Variants in CLPTM1 observed in about 807,000 individuals in gnomAD.
CLPTM1 encodes the protein putative lipid scramblase CLPTM1.
Under a neutral mutation model 77.3 loss-of-function variants are expected in CLPTM1, and 21 were observed. The observed-to-expected ratio is 0.27, with a 90% CI of 0.19 to 0.39. The LOEUF (loss-of-function observed/expected upper bound fraction) is 0.39. CLPTM1 is among the 10% of genes least tolerant of loss of function. CLPTM1 has a pLI of 1.00. For missense variants in CLPTM1, 642 were observed against 921.2 expected, an observed-to-expected ratio of 0.70 and a Z score of 3.92; for synonymous variants, 373 against 381.0, an observed-to-expected ratio of 0.98 and a Z score of 0.24.
chr19:44,977,735 T>C (rs1398266420), intron 5 of CLPTM1, among the ~76,000 whole-genome samples: 1 of 152,060 alleles, frequency 6.6e-6, no homozygotes, highest in African/African-American at 2.4e-5. Flanking sequence ...ACAGGGACTC[T>C]TGGAGAGGAG....
intron 2 of CLPTM1, among the ~76,000 whole-genome samples, chr19:44,966,739 G>C (rs995788638): frequency 2.6e-5 from 4 of 151,942 alleles, no homozygotes; most frequent in Non-Finnish European, 5.9e-5. Flanking sequence ...AGGGGTGCAG[G>C]AGCTGGCACG....
Position 44,990,803 on chromosome 19 carries a change from G to A in CLPTM1, c.1324-47G>A. On this transcript the variant is annotated intron_variant, in intron 10 of 13. Coordinates refer to ENST00000337392, the MANE Select transcript of CLPTM1 (RefSeq NM_001294.4). The surrounding 1 kb of genome is among the most constrained non-coding windows in gnomAD (Gnocchi z 4.8). Reference sequence around the variant, plus strand: ...GCAGGGGCTGGTTCTGGCTTGTGGGGTGGGAGCCAGCGTAGCAACTGACCA... The same window carrying A: ...GCAGGGGCTGGTTCTGGCTTGTGGGATGGGAGCCAGCGTAGCAACTGACCA... 6.6e-7 allele frequency: 1 copy of A among 1,511,224 alleles called. No homozygotes were observed. Among genetic ancestry groups the A allele is most frequent in the Non-Finnish European group, 9.2e-7 (1 of 1,091,860 alleles). 93.6% of individuals were successfully genotyped at this position (1,511,224 alleles called of 1,614,324 possible).
At chr19:44,973,888 C>T (rs545862127) in intron 3 of CLPTM1, among the ~76,000 whole-genome samples, 242 of 151,762 alleles carry the variant, frequency 1.6e-3, no homozygotes, top group African/African-American at 5.6e-3. Flanking sequence ...CTCAGCCTCA[C>T]GACTAGCTGG....
At chr19:44,969,771 T>C (rs1970689663) in intron 2 of CLPTM1, among the ~76,000 whole-genome samples, 1 of 148,326 alleles carries the variant, frequency 6.7e-6, no homozygotes, top group South Asian at 2.2e-4. Flanking sequence ...CACTGCGACC[T>C]CCACCTCCCA....
intron 2 of CLPTM1, among the ~76,000 whole-genome samples, chr19:44,968,082 C>T (rs2122260727): frequency 6.6e-6 from 1 of 152,240 alleles, no homozygotes; most frequent in Admixed American, 6.5e-5. Context: ...TCTTTGAAAT[C>T]TTTCCACGTC....
At chr19:44,984,281 CT>C (rs1455000328) in intron 5 of CLPTM1, 1 of 152,354 alleles carries the variant, frequency 6.6e-6, no homozygotes, top group Non-Finnish European at 1.5e-5. Context: ...GGCCCTGCCC[CT>C]ACCCGCATTT....
chr19:44,975,656 C>T (rs1463266903), intron 4 of CLPTM1, among the ~76,000 whole-genome samples: 1 of 152,108 alleles, frequency 6.6e-6, no homozygotes, highest in African/African-American at 2.4e-5. Flanking sequence ...CTTCACCTCC[C>T]AGGTTCAAGC....
intron 9 of CLPTM1, among the ~76,000 whole-genome samples, chr19:44,988,375 C>T (rs1971016890): frequency 6.6e-6 from 1 of 152,224 alleles, no homozygotes; most frequent in Admixed American, 6.5e-5. Flanking sequence ...GGGTGTGGAG[C>T]TGAGGGAGGG....
chr19:44,982,192 T>C (rs1031954099), intron 5 of CLPTM1, among the ~76,000 whole-genome samples: 13 of 151,758 alleles, frequency 8.6e-5, no homozygotes, highest in African/African-American at 3.1e-4. Flanking sequence ...ATACTAAAAA[T>C]ACAAAAATTA....
intron 5 of CLPTM1, among the ~76,000 whole-genome samples, chr19:44,981,584 G>A (rs1970898205): frequency 6.6e-6 from 1 of 151,762 alleles, no homozygotes; most frequent in African/African-American, 2.4e-5. Flanking sequence ...AACAAAGCGA[G>A]ACCCTGTCTC....
At position 44,992,558 on chromosome 19, in the gene CLPTM1, C is replaced by G; in HGVS notation, c.1724-53C>G. On this transcript the variant is annotated intron_variant, in intron 13 of 13. Coordinates refer to ENST00000337392, the MANE Select transcript of CLPTM1 (RefSeq NM_001294.4). The surrounding 1 kb of genome is among the most constrained non-coding windows in gnomAD (Gnocchi z 7.7). ...ATCACGCCCTCTCCACCCAGGCCCACCTGGCTGTGGACGGGCCAGCCCGAC... is the reference window on the plus strand; with the variant it reads ...ATCACGCCCTCTCCACCCAGGCCCAGCTGGCTGTGGACGGGCCAGCCCGAC... 6.2e-7 allele frequency: 1 copy of G among 1,606,778 alleles called. No individual in the cohort carries two copies. Among genetic ancestry groups the G allele is most frequent in the Non-Finnish European group, 8.5e-7 (1 of 1,175,506 alleles).
intron 2 of CLPTM1, among the ~76,000 whole-genome samples, chr19:44,968,638 G>A (rs1021811883): frequency 2.7e-3 from 1 of 368 alleles, no homozygotes; most frequent in Admixed American, 0.038. Context: ...ATACACACAG[G>A]ACGTTCTTCA....
intron 2 of CLPTM1, among the ~76,000 whole-genome samples, chr19:44,967,201 G>C (rs4803783): frequency 0.6 from 91,818 of 151,876 alleles, 28,336 homozygotes; most frequent in South Asian, 0.7. Flanking sequence ...CACCTGTAGT[G>C]CCAGCTATTA....
upstream of CLPTM1, chr19:44,954,868 GTCT>G (rs1200979303): frequency 8.2e-7 from 1 of 1,217,742 alleles, no homozygotes; most frequent in Non-Finnish European, 1.1e-6. Flanking sequence ...CGAAAGAGTT[GTCT>G]TAGGAAGAGG....
chr19:44,979,364 C>T (rs757313929), intron 5 of CLPTM1, among the ~76,000 whole-genome samples: 9 of 152,082 alleles, frequency 5.9e-5, no homozygotes, highest in African/African-American at 9.7e-5. Flanking sequence ...CCTGTTTGAG[C>T]GGAGCTGGAG....
intron 9 of CLPTM1, among the ~76,000 whole-genome samples, chr19:44,989,804 G>A (rs114642011): frequency 0.015 from 2,300 of 152,260 alleles, 67 homozygotes; most frequent in African/African-American, 0.052. Context: ...AGAGGAGCAT[G>A]CTGACATGGA....
In CLPTM1 at chr19:44,993,122, T is replaced by C. The variant is rs1971111079; in HGVS notation, c.*225T>C. 2.0e-6 allele frequency: 1 copy of C among 505,376 alleles called. No individual in the cohort carries two copies. The highest frequency in any genetic ancestry group is 3.8e-6 in the Non-Finnish European group (1 of 264,252). 31.3% of individuals were successfully genotyped at this position (505,376 alleles called of 1,614,324 possible). Reference sequence around the variant, plus strand: ...CTGTCCCTCTGTGTTTCCAGCCATCTCGCCCTGCCAGCCCAGCACCACTGG... The same window carrying C: ...CTGTCCCTCTGTGTTTCCAGCCATCCCGCCCTGCCAGCCCAGCACCACTGG... On this transcript the variant is annotated 3_prime_UTR_variant, in exon 14 of 14. Coordinates refer to ENST00000337392, the MANE Select transcript of CLPTM1 (RefSeq NM_001294.4).
intron 7 of CLPTM1, 106 bp downstream of exon 7, chr19:44,986,681 G>T (rs1970983208): frequency 1.4e-6 from 2 of 1,420,592 alleles, no homozygotes; most frequent in Non-Finnish European, 1.9e-6. Flanking sequence ...AGCTTTCCAG[G>T]GCTCCACCCT....
intron 2 of CLPTM1, among the ~76,000 whole-genome samples, chr19:44,969,189 T>C (rs993805729): frequency 2.6e-5 from 4 of 152,216 alleles, no homozygotes; most frequent in Non-Finnish European, 5.9e-5. Flanking sequence ...CAGATGTATA[T>C]ACACGCTATA....
Sources: allele counts gnomAD v4.1 joint callset (sites outside exome capture counted in the v4.1 genomes callset), GRCh38; gene constraint gnomAD v4.1.1; non-coding constraint Gnocchi (gnomAD v3.1); transcripts MANE v1.5; gene names NCBI Gene and HGNC (gene_info 2026-07-23, HGNC 2026-07-21).